Variants in STARD9 observed in about 807,000 individuals in gnomAD.
STARD9 encodes the protein stAR-related lipid transfer protein 9.
In STARD9, 346 loss-of-function variants were observed where a neutral mutation model predicts 399.8. The observed-to-expected ratio is 0.87, with a 90% CI of 0.79 to 0.95. The LOEUF (loss-of-function observed/expected upper bound fraction) is 0.95, where lower values mean the gene tolerates loss of function less well. STARD9 is among the 40% of genes least tolerant of loss of function. The probability of loss-of-function intolerance (pLI) is 0.00; values close to 1 mark genes in which losing one functional copy is unlikely to be tolerated. For synonymous variants in STARD9, 2,203 were observed against 2,143.5 expected (o/e 1.03, Z -0.77); for missense variants, 5,832 against 5,667.5 (o/e 1.03, Z -0.93).
chr15:42,649,325 G>T (rs973242641), intron 7 of STARD9, among the ~76,000 whole-genome samples: 5 of 152,006 alleles, frequency 3.3e-5, no homozygotes, highest in African/African-American at 1.2e-4. Context: ...ACTGCACCCG[G>T]CTCCCTCCAT....
At chr15:42,607,635 TACACACACACACTTATAC>T (rs2058759248) in intron 3 of STARD9, among the ~76,000 whole-genome samples, 1 of 136,714 alleles carries the variant, frequency 7.3e-6, no homozygotes, top group Non-Finnish European at 1.6e-5. Flanking sequence ...TAATATATTA[TACACACACACACTTATAC>T]ACACACACAC....
At chr15:42,677,268 A>C (rs2060330448) in intron 20 of STARD9, among the ~76,000 whole-genome samples, 2 of 152,202 alleles carry the variant, frequency 1.3e-5, no homozygotes, top group African/African-American at 4.8e-5. Context: ...CGTCTCAAAA[A>C]AAGAAAAACA....
intron 3 of STARD9, among the ~76,000 whole-genome samples, chr15:42,609,542 C>G (rs548401162): frequency 6.6e-6 from 1 of 151,876 alleles, no homozygotes; most frequent in African/African-American, 2.4e-5. Flanking sequence ...CAGGTTCAAG[C>G]AATTCTCCTG....
chr15:42,697,914 C>T (rs528267195), intron 26 of STARD9, among the ~76,000 whole-genome samples: 59 of 152,116 alleles, frequency 3.9e-4, no homozygotes, highest in Non-Finnish European at 6.0e-4. Context: ...CTCAGTGTAC[C>T]TAGTTCCTCT....
intron 3 of STARD9, among the ~76,000 whole-genome samples, chr15:42,592,456 AT>A (rs2058417804): frequency 1.4e-5 from 2 of 147,216 alleles, no homozygotes; most frequent in African/African-American, 5.0e-5. Context: ...TCTTTTTTTT[AT>A]TTTTTGAGAC....
In STARD9 at chr15:42,716,759, C is replaced by T. The variant is rs1248497912; in HGVS notation, c.13367C>T (p.Ala4456Val). 6.5e-7 allele frequency: 1 copy of T among 1,536,104 alleles called. No individual in the cohort carries two copies. The highest frequency in any genetic ancestry group is 2.0e-5 in the Admixed American group (1 of 50,990). Residue 4456 changes from alanine (A) to valine (V), a missense_variant, in exon 27 of 33, where the codon GCC (alanine) becomes GTC (valine). Ala to Val is a moderately conservative substitution (Grantham distance 64). Transcript: ENST00000290607. ...GGHSAVRKNS[A>V]YSHRASLGSC... ...CATTCTGCAGTGAGGAAGAACTCTG[C>T]CTACAGTGAGTTGCGGGGAGTGTTG... is the stretch of plus-strand genomic sequence containing the variant.
In STARD9 at chr15:42,685,294, A is replaced by G. The variant is rs1449633801; in HGVS notation, c.3716A>G (p.Glu1239Gly). 1.3e-6 allele frequency: 2 copies of G among 1,537,496 alleles called. No homozygotes were observed. The highest frequency in any genetic ancestry group is 1.7e-6 in the Non-Finnish European group (2 of 1,146,972). ...EIPTETFWHL[E>G]DSSLPVMDQE... ...CCCACAGAGACTTTTTGGCACCTGG[A>G]GGACTCTAGTCTGCCTGTAATGGAC... is the stretch of plus-strand genomic sequence containing the variant. The change falls in exon 23 of 33, where the codon GAG (glutamate) becomes GGG (glycine). Residue 1239 changes from glutamate to glycine, a missense_variant. Coordinates refer to ENST00000290607, the MANE Select transcript of STARD9 (RefSeq NM_020759.3).
intron 14 of STARD9, 23 bp downstream of exon 14, chr15:42,665,353 T>G (rs1411534309): frequency 2.6e-6 from 4 of 1,526,682 alleles, no homozygotes; most frequent in Non-Finnish European, 3.5e-6. Flanking sequence ...TCAGAACCTT[T>G]CCGTACTTAA....
chr15:42,719,036 C>T (rs1348130355), intron 32 of STARD9, 126 bp downstream of exon 32: 2 of 788,866 alleles, frequency 2.5e-6, no homozygotes, highest in Non-Finnish European at 4.0e-6. Flanking sequence ...GACCTGGAGA[C>T]TTGAGGGCTT....
rs894616110 is a variant in STARD9 at position 42,634,971 on chromosome 15, CAGTG to C, written c.351+3_351+6del. The C allele has an allele frequency of 6.6e-7, 1 of 1,508,964 alleles. No individual in the cohort carries two copies. The highest frequency in any genetic ancestry group is 8.9e-7 in the Non-Finnish European group (1 of 1,122,414). 93.5% of individuals were successfully genotyped at this position (1,508,964 alleles called of 1,614,324 possible). The stretch of plus-strand genomic sequence containing the variant: ...AAGACATATACCATGCTGGGGACCC[CAGTG>C]AGTATTACAATGATATATATTCCTA... On this transcript the variant is annotated splice_donor_variant and splice_donor_region_variant and coding_sequence_variant and intron_variant, in exon 4 of 33. Coordinates refer to ENST00000290607, the MANE Select transcript of STARD9 (RefSeq NM_020759.3). LOFTEE classifies it high-confidence loss of function.
rs76608721 is a variant in STARD9, at chr15:42,682,087, G to A, written c.2066-17G>A. ...AAGGAGATGCTGAAATTCTCTCTGG[G>A]TGTTTTTGGTTCCCAGACCAGCAGT... On this transcript the variant is annotated splice_polypyrimidine_tract_variant and intron_variant, in intron 21 of 32. Coordinates refer to ENST00000290607, the MANE Select transcript of STARD9 (RefSeq NM_020759.3). 2.0e-6 allele frequency: 3 copies of A among 1,500,774 alleles called. No individual in the cohort carries two copies. In the East Asian group the frequency reaches 7.4e-5, roughly 37 times the overall value. The allele number at this position is 1,500,774 out of a possible 1,614,324, so 93.0% of individuals were successfully genotyped here.
rs1414728384 is a variant in STARD9, at chr15:42,693,183, C to T, written c.11605C>T (p.Leu3869Phe). 2.0e-6 allele frequency: 3 copies of T among 1,537,154 alleles called. No homozygotes were observed. The highest frequency in any genetic ancestry group is 1.7e-6 in the Non-Finnish European group (2 of 1,146,878). The part of the protein sequence containing the change: ...PSPSSPHSPG[L>F]FPSTSEYPGD... ...TCCCAGCTCCCCTCATTCCCCAGGG[C>T]TCTTTCCCAGTACTTCCGAGTATCC... The change falls in exon 23 of 33, where the codon CTC becomes TTC. Residue 3869 changes from leucine to phenylalanine, a missense_variant. Leu to Phe is a conservative substitution (Grantham distance 22). This residue lies in a region of STARD9 where 5,828 missense variants were observed against 5,651.1 expected (regional missense o/e 1.03). Coordinates refer to ENST00000290607, the MANE Select transcript of STARD9 (RefSeq NM_020759.3).
At chr15:42,604,320 C>T (rs1479367957) in intron 3 of STARD9, among the ~76,000 whole-genome samples, 2 of 152,140 alleles carry the variant, frequency 1.3e-5, no homozygotes, top group East Asian at 3.8e-4. Context: ...TGTGGAAGCT[C>T]ATAAGGTCAT....
chr15:42,664,405 C>G (rs528128985), intron 13 of STARD9, among the ~76,000 whole-genome samples: 22 of 152,044 alleles, frequency 1.4e-4, no homozygotes, highest in Non-Finnish European at 3.1e-4. Context: ...GCTCTGTTGC[C>G]CAGGCTGGAG....
chr15:42,658,424 T>A (rs776765804), intron 9 of STARD9, among the ~76,000 whole-genome samples: 5 of 150,824 alleles, frequency 3.3e-5, no homozygotes, highest in Admixed American at 1.3e-4. Context: ...GATCCTCCTG[T>A]CTCAGCCTCC....
intron 4 of STARD9, among the ~76,000 whole-genome samples, chr15:42,636,982 T>A (rs1257714301): frequency 6.6e-6 from 1 of 151,492 alleles, no homozygotes; most frequent in East Asian, 1.9e-4. Context: ...GAGAATTCCT[T>A]GAACTCGGGA....
Position 42,685,747 on chromosome 15 carries a change from C to T in STARD9, c.4169C>T (p.Thr1390Met), listed in dbSNP as rs758800975. ...GAACTAAAGCCATCAGATGCAGAAA[C>T]GGTTCTGCCATATAGCTCCAAACTG... Reference protein sequence around the residue: ...TEELKPSDAETVLPYSSKLHQ... With the variant: ...TEELKPSDAEMVLPYSSKLHQ... Residue 1390 changes from threonine (T) to methionine (M), a missense_variant, in exon 23 of 33, where the codon ACG becomes ATG. By Grantham distance (81) the Thr-to-Met change is moderately conservative (BLOSUM62 -1). Around this residue, in one of 2 missense-constraint regions of STARD9, gnomAD observed 5,828 missense variants for 5,651.1 expected, o/e 1.03. Coordinates refer to ENST00000290607, the MANE Select transcript of STARD9 (RefSeq NM_020759.3). 7.7e-5 allele frequency: 118 copies of T among 1,537,274 alleles called. No homozygotes were observed. The highest frequency in any genetic ancestry group is 3.6e-4 in the South Asian group (30 of 84,054).
intron 3 of STARD9, among the ~76,000 whole-genome samples, chr15:42,623,994 TG>T (rs1485374950): frequency 2.6e-5 from 4 of 152,364 alleles, no homozygotes; most frequent in Middle Eastern, 3.4e-3. Context: ...ACATTTATAT[TG>T]GGTAGAGACC....
At chr15:42,636,125 C>T (rs961463797) in intron 4 of STARD9, among the ~76,000 whole-genome samples, 2 of 152,052 alleles carry the variant, frequency 1.3e-5, no homozygotes, top group Non-Finnish European at 2.9e-5. Context: ...AGGGAGACTC[C>T]ATCTCTACAA....
Sources: gnomAD v4.1 joint callset for allele counts (sites outside exome capture counted in the v4.1 genomes callset) on GRCh38, gnomAD v4.1.1 for gene constraint, gnomAD v4.1.1 regional missense constraint, MANE v1.5 for transcripts, NCBI Gene and HGNC (gene_info 2026-07-23, HGNC 2026-07-21) for gene names.